The following CERT1 variants were observed in gnomAD, a reference collection of about 807,000 sequenced individuals.
CERT1 encodes the protein ceramide transfer protein.
A neutral mutation model predicts 87.9 loss-of-function variants in CERT1; 31 were observed. That is an observed-to-expected ratio of 0.35 (90% CI 0.27 to 0.48). The LOEUF (loss-of-function observed/expected upper bound fraction) is 0.48. Among genes scored for constraint, CERT1 ranks in the 20% least tolerant of loss-of-function variants. The pLI is 0.99. For synonymous variants in CERT1, 289 were observed against 250.9 expected, an observed-to-expected ratio of 1.15 and a Z score of -1.44; for missense variants, 487 against 758.0, an observed-to-expected ratio of 0.64 and a Z score of 4.20.
At chr5:75,387,168 C>G (rs1360942191) in intron 12 of CERT1, among the ~76,000 whole-genome samples, 1 of 152,090 alleles carries the variant, frequency 6.6e-6, no homozygotes, top group East Asian at 1.9e-4. Context: ...TGCCACCAGT[C>G]AAAAACTGTT....
intron 16 of CERT1, among the ~76,000 whole-genome samples, chr5:75,379,986 T>A (rs1292480422): frequency 6.6e-6 from 1 of 152,192 alleles, no homozygotes; most frequent in Non-Finnish European, 1.5e-5. Flanking sequence ...TTCTACAATG[T>A]TCTTAGTTCC....
chr5:75,504,898 T>A (rs1352678453), intron 2 of CERT1, among the ~76,000 whole-genome samples: 1 of 152,210 alleles, frequency 6.6e-6, no homozygotes, highest in Admixed American at 6.5e-5. Flanking sequence ...TTATGCCAGT[T>A]TACTTGTTAT....
chr5:75,425,523 T>C, intron 4 of CERT1, 24 bp from the exon 5 acceptor site: 2 of 1,609,624 alleles, frequency 1.2e-6, no homozygotes, highest in Non-Finnish European at 1.7e-6. Context: ...AATAGGGGGA[T>C]GTAATTCAAG....
chr5:75,509,930 T>C (rs1015722049), intron 1 of CERT1, among the ~76,000 whole-genome samples: 69 of 152,222 alleles, frequency 4.5e-4, no homozygotes, highest in African/African-American at 1.6e-3. Flanking sequence ...ACAGCATCAA[T>C]ATACAACATA....
At chr5:75,409,357 C>CA (rs1451573534) in intron 8 of CERT1, among the ~76,000 whole-genome samples, 5 of 152,076 alleles carry the variant, frequency 3.3e-5, no homozygotes, top group Middle Eastern at 3.2e-3. Flanking sequence ...GATTCCAATG[C>CA]AAAAAAATTC....
chr5:75,419,496 G>A, intron 5 of CERT1, 72 bp from the exon 6 acceptor site: 5 of 1,012,290 alleles, frequency 4.9e-6, no homozygotes, highest in Admixed American at 2.1e-5. Flanking sequence ...ATGTTCAACT[G>A]AGTCATTTTA....
At chr5:75,438,136 T>C (rs1481654559) in intron 3 of CERT1, among the ~76,000 whole-genome samples, 1 of 152,152 alleles carries the variant, frequency 6.6e-6, no homozygotes, top group African/African-American at 2.4e-5. Context: ...AGAGCTTAAA[T>C]TCTTAAATTG....
intron 11 of CERT1, among the ~76,000 whole-genome samples, chr5:75,395,881 AAACAAC>A (rs530981055): frequency 0.038 from 5,765 of 151,770 alleles, 161 homozygotes; most frequent in Middle Eastern, 0.065. Flanking sequence ...ATGAAAAAAC[AAACAAC>A]AACAACAACA....
At chr5:75,439,711 A>T (rs1381213455) in intron 3 of CERT1, among the ~76,000 whole-genome samples, 1 of 152,128 alleles carries the variant, frequency 6.6e-6, no homozygotes, top group African/African-American at 2.4e-5. Context: ...CTTCAATATT[A>T]CTATTTTAAA....
chr5:75,445,287 CACTTTT>C (rs980137642), intron 3 of CERT1, among the ~76,000 whole-genome samples: 3 of 152,140 alleles, frequency 2.0e-5, no homozygotes, highest in African/African-American at 4.8e-5. Flanking sequence ...CTTGCTCATG[CACTTTT>C]ACTAAGATTT....
chr5:75,489,666 A>G (rs1351202426), intron 2 of CERT1, among the ~76,000 whole-genome samples: 1 of 152,250 alleles, frequency 6.6e-6, no homozygotes, highest in Non-Finnish European at 1.5e-5. Flanking sequence ...AGAGAAATGC[A>G]AATCAAAACC....
intron 16 of CERT1, among the ~76,000 whole-genome samples, chr5:75,380,777 C>CAAAAAA (rs35083616): frequency 2.2e-4 from 12 of 53,346 alleles, no homozygotes; most frequent in East Asian, 4.7e-4. Context: ...GACTCCATCT[C>CAAAAAA]AAAAAAAAAA....
intron 7 of CERT1, among the ~76,000 whole-genome samples, chr5:75,412,088 G>A (rs900324494): frequency 7.2e-5 from 11 of 152,152 alleles, no homozygotes; most frequent in Admixed American, 7.2e-4. Context: ...GGTTCACTGG[G>A]TCAAAACTGA....
intron 2 of CERT1, among the ~76,000 whole-genome samples, chr5:75,478,327 A>C (rs1165184074): frequency 6.6e-6 from 1 of 152,072 alleles, no homozygotes; most frequent in African/African-American, 2.4e-5. Flanking sequence ...AAAAAAAATA[A>C]AAAAAAGAAA....
chr5:75,417,487 TAA>T (rs1763182310), intron 6 of CERT1, among the ~76,000 whole-genome samples: 1 of 152,192 alleles, frequency 6.6e-6, no homozygotes, highest in Non-Finnish European at 1.5e-5. Flanking sequence ...CCAATGCACT[TAA>T]ACTCAATGCC....
At chr5:75,369,927 G>A (rs1761025018) in intron 17 of CERT1, 1 of 152,220 alleles carries the variant, frequency 6.6e-6, no homozygotes, top group Admixed American at 6.5e-5. Flanking sequence ...CAATATAAAT[G>A]ATAGTATGAA....
chr5:75,434,054 T>A (rs1763982391), intron 3 of CERT1, among the ~76,000 whole-genome samples: 1 of 152,204 alleles, frequency 6.6e-6, no homozygotes, highest in South Asian at 2.1e-4. Flanking sequence ...AGAGTGGACA[T>A]CCTTGTCTTT....
chr5:75,408,995 T>C (rs1762823206), intron 8 of CERT1, among the ~76,000 whole-genome samples: 2 of 152,138 alleles, frequency 1.3e-5, no homozygotes, highest in South Asian at 4.1e-4. Context: ...TATACTTACA[T>C]ACTGCTGGTA....
At chr5:75,511,730 G>C (rs1181657881), upstream of CERT1, 3 of 1,548,924 alleles carry the variant, frequency 1.9e-6, no homozygotes, top group East Asian at 4.9e-5. Flanking sequence ...GACACGCCGA[G>C]CCTTCGGGAT....
Sources: gnomAD v4.1 joint callset for allele counts (sites outside exome capture counted in the v4.1 genomes callset) on GRCh38, gnomAD v4.1.1 for gene constraint, MANE v1.5 for transcripts, NCBI Gene and HGNC (gene_info 2026-07-23, HGNC 2026-07-21) for gene names.